Variants in SOS1 observed in about 807,000 individuals in gnomAD.
SOS1 encodes the protein SOS Ras/Rac guanine nucleotide exchange factor 1, also known as son of sevenless homolog 1.
SOS1 carries 25 observed loss-of-function variants against 157.6 expected under a neutral mutation model. The observed-to-expected ratio is 0.16, with a 90% CI of 0.12 to 0.22. SOS1 has a LOEUF of 0.22. Among genes scored for constraint, SOS1 ranks in the 10% least tolerant of loss-of-function variants. The pLI is 1.00. For missense variants in SOS1, 1,237 were observed against 1,599.1 expected (o/e 0.77, Z 3.86); for synonymous variants, 528 against 534.0 (o/e 0.99, Z 0.16).
intron 1 of SOS1, among the ~76,000 whole-genome samples, chr2:39,112,778 C>T (rs1022279876): frequency 6.6e-6 from 1 of 152,180 alleles, no homozygotes; most frequent in African/African-American, 2.4e-5. Flanking sequence ...GTGACTCATG[C>T]CTGTAATCTC....
At chr2:39,085,916 A>G (rs996784543) in intron 1 of SOS1, among the ~76,000 whole-genome samples, 7 of 152,232 alleles carry the variant, frequency 4.6e-5, no homozygotes, top group Non-Finnish European at 8.8e-5. Context: ...TTATTTAAAC[A>G]TAATAATAAA....
chr2:39,042,523 C>G (rs952826623), intron 6 of SOS1, among the ~76,000 whole-genome samples: 1 of 151,920 alleles, frequency 6.6e-6, no homozygotes, highest in African/African-American at 2.4e-5. Flanking sequence ...CCTGCCTCAA[C>G]CTCCTGAATA....
intron 15 of SOS1, among the ~76,000 whole-genome samples, chr2:39,008,036 C>A (rs949226144): frequency 6.6e-6 from 1 of 152,140 alleles, no homozygotes; most frequent in African/African-American, 2.4e-5. Context: ...TTCCTGCAGT[C>A]AAGAACACCT....
rs909382757 is a variant in SOS1, at chr2:38,985,361, A to C, written c.*463T>G. 4 of 191,198 alleles carry C rather than the reference A, an allele frequency of 2.1e-5. No individual in the cohort carries two copies. The highest frequency in any genetic ancestry group is 9.5e-5 in the African/African-American group (4 of 42,056). 11.8% of individuals were successfully genotyped at this position (191,198 alleles called of 1,614,324 possible). A position where few individuals can be genotyped will look rare whatever the true frequency, so the allele number is the denominator to read the frequency against. The stretch of plus-strand genomic sequence containing the variant: ...TCCTTTGAGTGATTTTTAAGAAAAT[A>C]TTCTAAAGTAGAAGAGTAAAGCAAA... On this transcript the variant is annotated 3_prime_UTR_variant, in exon 23 of 23. Transcript: ENST00000402219.
At chr2:39,116,812 C>T (rs1673667157) in intron 1 of SOS1, among the ~76,000 whole-genome samples, 1 of 152,182 alleles carries the variant, frequency 6.6e-6, no homozygotes, top group African/African-American at 2.4e-5. Flanking sequence ...GATCGCACCA[C>T]TGCACTCCAG....
chr2:39,108,915 T>G lies in SOS1; in HGVS notation c.87+11421A>C, dbSNP rs1389398977. On this transcript the variant is annotated intron_variant, in intron 1 of 22. Coordinates refer to ENST00000402219, the MANE Select transcript of SOS1 (RefSeq NM_005633.4). ...GTCTTTAAAAAAAAAAAAAATTATA[T>G]GGGCTGGGTGCAGTGGCTCACATAT... Among the ~76,000 whole-genome samples the G allele has an allele frequency of 1.3e-5, 2 of 151,410 alleles. 1 individual carries two copies. The highest frequency in any genetic ancestry group is 4.2e-4 in the South Asian group (2 of 4,794).
intron 9 of SOS1, chr2:39,023,787 C>A (rs1453947750): frequency 2.0e-6 from 1 of 495,538 alleles, no homozygotes; most frequent in Non-Finnish European, 3.6e-6. Flanking sequence ...CCAGTTGACT[C>A]TCAGGAGGTC....
intron 4 of SOS1, 97 bp downstream of exon 4, chr2:39,056,605 C>G: frequency 1.2e-6 from 1 of 815,854 alleles, no homozygotes; most frequent in Non-Finnish European, 2.1e-6. Flanking sequence ...TATTCCCCAA[C>G]ACATAATACA....
At chr2:39,086,908 G>T (rs1672396641) in intron 1 of SOS1, among the ~76,000 whole-genome samples, 1 of 152,128 alleles carries the variant, frequency 6.6e-6, no homozygotes, top group Non-Finnish European at 1.5e-5. Flanking sequence ...TGCCTCCCCG[G>T]TTTAAGCAAT....
At chr2:39,072,844 T>C (rs1307342095) in intron 1 of SOS1, among the ~76,000 whole-genome samples, 2 of 152,148 alleles carry the variant, frequency 1.3e-5, no homozygotes, top group Non-Finnish European at 2.9e-5. Flanking sequence ...ATTTAAGAGA[T>C]CAATAAATTG....
At chr2:39,093,287 A>G (rs1672654538) in intron 1 of SOS1, among the ~76,000 whole-genome samples, 1 of 152,164 alleles carries the variant, frequency 6.6e-6, no homozygotes, top group Admixed American at 6.6e-5. Context: ...CTATGTGGTT[A>G]GTTCTTAGTA....
intron 8 of SOS1, among the ~76,000 whole-genome samples, chr2:39,029,207 A>G (rs1003290844): frequency 6.6e-6 from 1 of 152,228 alleles, no homozygotes; most frequent in African/African-American, 2.4e-5. Context: ...TAAACAGGCA[A>G]TCAACCCTAA....
In SOS1 at chr2:39,014,781, T is replaced by C; in HGVS notation, c.1924A>G (p.Ser642Gly). ...RSFCKPQELLSLIIERFEIPE... is the reference protein window; with the variant it reads ...RSFCKPQELLGLIIERFEIPE... ...TGGACAGACCTTTCTATTATAAGAC[T>C]CAGTAGTTCTTGAGGTTTGCAAAAG... Residue 642 changes from serine to glycine, a missense_variant, in exon 11 of 23, where the codon AGT (serine) becomes GGT (glycine). Ser to Gly is a moderately conservative substitution (Grantham distance 56). Transcript: ENST00000402219. 6.4e-7 allele frequency: 1 copy of C among 1,564,224 alleles called. No homozygotes were observed. The highest frequency in any genetic ancestry group is 8.8e-7 in the Non-Finnish European group (1 of 1,135,444).
chr2:39,031,149 T>C (rs956285576), intron 8 of SOS1, among the ~76,000 whole-genome samples: 1 of 152,250 alleles, frequency 6.6e-6, no homozygotes, highest in Non-Finnish European at 1.5e-5. Flanking sequence ...GGTACTTTGC[T>C]GTGGCAGCCT....
intron 6 of SOS1, among the ~76,000 whole-genome samples, chr2:39,047,020 G>C (rs1670811002): frequency 2.6e-5 from 4 of 152,074 alleles, no homozygotes; most frequent in Admixed American, 2.0e-4. Flanking sequence ...TCTGCAATTT[G>C]ATGACTTTTA....
chr2:39,070,677 T>C (rs1220609375), intron 1 of SOS1, among the ~76,000 whole-genome samples: 1 of 152,204 alleles, frequency 6.6e-6, no homozygotes. Context: ...TTAAGTATTT[T>C]AGAAAAACAC....
At chr2:39,099,164 G>A (rs780788551) in intron 1 of SOS1, among the ~76,000 whole-genome samples, 1 of 152,176 alleles carries the variant, frequency 6.6e-6, no homozygotes, top group Non-Finnish European at 1.5e-5. Context: ...AAAATATGCA[G>A]CTATTCTTAA....
intron 1 of SOS1, among the ~76,000 whole-genome samples, chr2:39,111,215 A>C (rs1314419594): frequency 6.6e-6 from 1 of 152,228 alleles, no homozygotes; most frequent in African/African-American, 2.4e-5. Context: ...CCTGGGAGAC[A>C]GAGCAAGACT....
At chr2:39,053,028 C>T (rs2124600251) in intron 5 of SOS1, among the ~76,000 whole-genome samples, 1 of 152,262 alleles carries the variant, frequency 6.6e-6, no homozygotes, top group South Asian at 2.1e-4. Context: ...TGGCACACAC[C>T]TGTAATCCCA....
Sources: gnomAD v4.1 joint callset for allele counts (sites outside exome capture counted in the v4.1 genomes callset) on GRCh38, gnomAD v4.1.1 for gene constraint, MANE v1.5 for transcripts, NCBI Gene and HGNC (gene_info 2026-07-23, HGNC 2026-07-21) for gene names.